The following RBPJ variants were observed in gnomAD, a reference collection of about 807,000 sequenced individuals.
RBPJ encodes recombining binding protein suppressor of hairless.
RBPJ carries 9 observed loss-of-function variants against 67.8 expected under a neutral mutation model. The observed-to-expected ratio is 0.13, with a 90% CI of 0.08 to 0.23. RBPJ has a LOEUF of 0.23. RBPJ is among the 10% of genes least tolerant of loss of function. RBPJ has a pLI of 1.00. For missense variants in RBPJ, 305 were observed against 595.6 expected, an observed-to-expected ratio of 0.51 and a Z score of 5.08; for synonymous variants, 198 against 203.3, an observed-to-expected ratio of 0.97 and a Z score of 0.22.
chr4:26,350,228 TAC>T (rs1261898022), intron 1 of RBPJ, among the ~76,000 whole-genome samples: 1 of 152,228 alleles, frequency 6.6e-6, no homozygotes, highest in Non-Finnish European at 1.5e-5. Context: ...AAATGGTTTG[TAC>T]TACCAACTTT....
chr4:26,345,741 CTCAT>C (rs1346965957), intron 1 of RBPJ, among the ~76,000 whole-genome samples: 27 of 152,276 alleles, frequency 1.8e-4, no homozygotes, highest in Admixed American at 5.2e-4. Flanking sequence ...CTTTTTAACT[CTCAT>C]TAACTCTGTC....
chr4:26,210,720 T>TTTCCTTCTATCC (rs55831777), intron 1 of RBPJ, among the ~76,000 whole-genome samples: 1 of 70,876 alleles, frequency 1.4e-5, no homozygotes, highest in Non-Finnish European at 2.8e-5. Context: ...TCTTTCCTTC[T>TTTCCTTCTATCC]TTCTTTCCTT....
At chr4:26,178,019 C>T (rs991221851) in intron 1 of RBPJ, among the ~76,000 whole-genome samples, 15 of 152,130 alleles carry the variant, frequency 9.9e-5, no homozygotes, top group Non-Finnish European at 2.9e-5. Context: ...TTGAAAATGG[C>T]CACAATTTAT....
chr4:26,172,557 T>G (rs1307763613), intron 1 of RBPJ, among the ~76,000 whole-genome samples: 1 of 152,152 alleles, frequency 6.6e-6, no homozygotes, highest in Non-Finnish European at 1.5e-5. Context: ...AAAAGCCTTT[T>G]TGGAATAAGG....
At chr4:26,265,011 A>G (rs1309541880) in intron 1 of RBPJ, among the ~76,000 whole-genome samples, 2 of 152,212 alleles carry the variant, frequency 1.3e-5, no homozygotes, top group African/African-American at 4.8e-5. Flanking sequence ...TACCCTATTC[A>G]TAGGGAAGAG....
chr4:26,151,969 C>T, the RBPJ span, among the ~76,000 whole-genome samples: 14 of 152,160 alleles, frequency 9.2e-5, no homozygotes, highest in Admixed American at 7.2e-4. Context: ...CACAATTGGG[C>T]TTTTGGGGTC....
intron 1 of RBPJ, among the ~76,000 whole-genome samples, chr4:26,180,965 A>G (rs181943609): frequency 9.9e-5 from 15 of 152,126 alleles, no homozygotes; most frequent in Admixed American, 9.2e-4. Flanking sequence ...AATAAGTCCT[A>G]CGAGATCTGA....
intron 1 of RBPJ, among the ~76,000 whole-genome samples, chr4:26,222,355 C>T (rs1049432959): frequency 6.6e-6 from 1 of 151,682 alleles, no homozygotes; most frequent in Non-Finnish European, 1.5e-5. Flanking sequence ...ATTAGTTGGG[C>T]GTGGTGGCGG....
chr4:26,218,284 C>G (rs1718784167), intron 1 of RBPJ, among the ~76,000 whole-genome samples: 1 of 152,148 alleles, frequency 6.6e-6, no homozygotes, highest in Admixed American at 6.5e-5. Flanking sequence ...GAGACAGATT[C>G]TCAGTGATGT....
intron 1 of RBPJ, among the ~76,000 whole-genome samples, chr4:26,223,179 A>G (rs1718972379): frequency 6.6e-6 from 1 of 150,976 alleles, no homozygotes; most frequent in Non-Finnish European, 1.5e-5. Flanking sequence ...AAAGAATTAT[A>G]CTTTAATTAA....
chr4:26,348,120 C>T (rs1286229760), intron 1 of RBPJ, among the ~76,000 whole-genome samples: 1 of 152,020 alleles, frequency 6.6e-6, no homozygotes, highest in Non-Finnish European at 1.5e-5. Context: ...CGCTACCACG[C>T]CTGGCTAATT....
At chr4:26,242,076 A>G (rs1474374499) in intron 1 of RBPJ, among the ~76,000 whole-genome samples, 1 of 152,116 alleles carries the variant, frequency 6.6e-6, no homozygotes, top group Admixed American at 6.5e-5. Flanking sequence ...TCATGTCTTT[A>G]GGACACAGCA....
At chr4:26,113,558 GC>G in the RBPJ span, 698 of 489,078 alleles carry the variant, frequency 1.4e-3, 3 homozygotes, top group Non-Finnish European at 1.9e-3. Context: ...GAGAACTCAC[GC>G]AGGGCAGAAG....
chr4:26,177,932 T>A lies in RBPJ; in HGVS notation c.-167+14318T>A, dbSNP rs371738406. ...TGACTTTGTGTTCCACTTTTTGTTT[T>A]AACCTAACAAATCATAAACACTTCC... is the stretch of plus-strand genomic sequence containing the variant. On this transcript the variant is annotated intron_variant, in intron 1 of 4. Coordinates refer to the RBPJ transcript ENST00000512351. Among the ~76,000 whole-genome samples the A allele has an allele frequency of 8.5e-5, 13 of 152,252 alleles. No homozygotes were observed. The East Asian group carries it at 9.6e-4, about 11-fold the overall frequency.
chr4:26,372,272 G>T (rs938537598), intron 1 of RBPJ, among the ~76,000 whole-genome samples: 1 of 152,194 alleles, frequency 6.6e-6, no homozygotes, highest in Non-Finnish European at 1.5e-5. Context: ...GCAAGATGAG[G>T]GAGGAGATCA....
At chr4:26,419,023 G>C (rs1277016823) in intron 4 of RBPJ, among the ~76,000 whole-genome samples, 1 of 152,178 alleles carries the variant, frequency 6.6e-6, no homozygotes, top group Non-Finnish European at 1.5e-5. Context: ...GTGCCGCCCA[G>C]GCTGGAGTGC....
At chr4:26,121,193 G>A in the RBPJ span, among the ~76,000 whole-genome samples, 2 of 152,092 alleles carry the variant, frequency 1.3e-5, no homozygotes, top group African/African-American at 4.8e-5. Context: ...CTGGGCAGAA[G>A]CAAATATTTA....
At chr4:26,213,314 C>T (rs10015806) in intron 1 of RBPJ, among the ~76,000 whole-genome samples, 86,002 of 151,956 alleles carry the variant, frequency 0.57, 24,908 homozygotes, top group East Asian at 0.86. Context: ...GGAAGAAAAT[C>T]CCCCAAATTT....
chr4:26,173,204 C>T (rs146503394), intron 1 of RBPJ, among the ~76,000 whole-genome samples: 3 of 152,108 alleles, frequency 2.0e-5, no homozygotes, highest in Non-Finnish European at 2.9e-5. Context: ...GGTACGATCT[C>T]GGCTCACTGC....
Sources: allele counts gnomAD v4.1 joint callset (sites outside exome capture counted in the v4.1 genomes callset), GRCh38; gene constraint gnomAD v4.1.1; transcripts MANE v1.5; gene names NCBI Gene and HGNC (gene_info 2026-07-23, HGNC 2026-07-21).